The following SLF2 variants were observed in gnomAD, a reference collection of about 807,000 sequenced individuals.
SLF2 encodes the protein SMC5/6 complex localization factor 2, also known as SMC5-SMC6 complex localization factor protein 2.
Under a neutral mutation model 124.3 loss-of-function variants are expected in SLF2, and 68 were observed. That is an observed-to-expected ratio of 0.55 (90% CI 0.45 to 0.67). The LOEUF is 0.67. Ranked by LOEUF, SLF2 falls within the 30% of genes least tolerant of loss-of-function variation. SLF2 has a pLI of 0.00. For missense variants in SLF2, 1,246 were observed against 1,373.7 expected, an observed-to-expected ratio of 0.91 and a Z score of 1.47; for synonymous variants, 480 against 478.8, an observed-to-expected ratio of 1.00 and a Z score of -0.03.
chr10:100,936,022 C>T (rs1376632587), intron 9 of SLF2, among the ~76,000 whole-genome samples: 1 of 151,316 alleles, frequency 6.6e-6, no homozygotes, highest in Non-Finnish European at 1.5e-5. Context: ...CCACACCCAG[C>T]TAATTTTTAA....
At chr10:100,952,011 C>T (rs756984340) in intron 17 of SLF2, among the ~76,000 whole-genome samples, 4 of 151,408 alleles carry the variant, frequency 2.6e-5, no homozygotes, top group African/African-American at 7.3e-5. Flanking sequence ...TGGGAGGGTG[C>T]GGTGGGTGGA....
At position 100,937,445 on chromosome 10, in the gene SLF2, T is replaced by A; in HGVS notation, c.2480T>A (p.Leu827Ter). ...GACTGTATTGTGTCAGTGCAGATTT[T>A]AAGTACATTGATGGAAATAACAATT... Reference protein sequence around the residue: ...HTDCIVSVQILSTLMEITIRN... With the variant: ...HTDCIVSVQI Residue 827 changes from leucine (L) to a stop codon, truncating the protein, a stop_gained, in exon 10 of 20, where the codon TTA (leucine) becomes TAA (stop). Coordinates refer to ENST00000238961, the MANE Select transcript of SLF2 (RefSeq NM_018121.4). LOFTEE classifies it high-confidence loss of function. 6.2e-7 allele frequency: 1 copy of A among 1,608,258 alleles called. No homozygotes were observed. The highest frequency in any genetic ancestry group is 8.5e-7 in the Non-Finnish European group (1 of 1,174,788).
rs1336500656 is a variant in SLF2, at chr10:100,963,227, A to G, written c.*1315A>G. 1 of 152,636 alleles carries G rather than the reference A, an allele frequency of 6.6e-6. No individual in the cohort carries two copies. Among genetic ancestry groups the G allele is most frequent in the African/African-American group, 2.4e-5 (1 of 41,442 alleles). 9.5% of individuals were successfully genotyped at this position (152,636 alleles called of 1,614,324 possible). ...TTTGCGGTTTGAGAGGCAAGAAAAT[A>G]AAATAACTTTCTACCTCTAAATTGA... On this transcript the variant is annotated 3_prime_UTR_variant, in exon 20 of 20. Transcript: ENST00000238961.
chr10:100,932,830 T>C (rs1849771323), intron 9 of SLF2, among the ~76,000 whole-genome samples: 1 of 151,538 alleles, frequency 6.6e-6, no homozygotes, highest in African/African-American at 2.4e-5. Flanking sequence ...AGAGAGAAAG[T>C]TTGCTTTTTT....
intron 4 of SLF2, among the ~76,000 whole-genome samples, chr10:100,920,994 GTTCATCTTGTTAA>G (rs1849515249): frequency 6.6e-6 from 1 of 152,056 alleles, no homozygotes; most frequent in African/African-American, 2.4e-5. Context: ...GATATGTCTT[GTTCATCTTGTTAA>G]TACACTTAAT....
At chr10:100,926,886 G>A (rs1849625780) in intron 6 of SLF2, 1 of 151,482 alleles carries the variant, frequency 6.6e-6, no homozygotes, top group Non-Finnish European at 1.5e-5. Flanking sequence ...CTCTAGCCTG[G>A]GCAACAGAGC....
chr10:100,924,599 C>G lies in SLF2; in HGVS notation c.1598C>G (p.Ser533Cys), dbSNP rs749111082. ...EHKAKTNKAD[S>C]NVSSGKISGG... Reference sequence around the variant, plus strand: ...AAAGCAAAGACTAATAAGGCCGATTCTAATGTATCTTCAGGGAAAATTTCT... The same window carrying G: ...AAAGCAAAGACTAATAAGGCCGATTGTAATGTATCTTCAGGGAAAATTTCT... The change falls in exon 5 of 20, where the codon TCT becomes TGT. Residue 533 changes from serine (S) to cysteine (C), a missense_variant. Coordinates refer to ENST00000238961, the MANE Select transcript of SLF2 (RefSeq NM_018121.4). 7 of 1,613,978 alleles carry G rather than the reference C, an allele frequency of 4.3e-6. No individual in the cohort carries two copies. The highest frequency in any genetic ancestry group is 8.5e-7 in the Non-Finnish European group (1 of 1,180,030).
intron 16 of SLF2, 94 bp from the exon 17 acceptor site, chr10:100,950,575 GTATCCTT>G: frequency 1.0e-6 from 1 of 982,454 alleles, no homozygotes; most frequent in Non-Finnish European, 1.6e-6. Flanking sequence ...TAACTTGACC[GTATCCTT>G]TATCCTTCCT....
intron 11 of SLF2, among the ~76,000 whole-genome samples, chr10:100,941,097 C>A (rs1398103723): frequency 6.6e-6 from 1 of 151,982 alleles, no homozygotes. Flanking sequence ...ACCTTGGCCT[C>A]CCAAAGTGCT....
intron 17 of SLF2, among the ~76,000 whole-genome samples, chr10:100,954,409 A>C (rs1850285906): frequency 1.3e-5 from 2 of 152,250 alleles, no homozygotes; most frequent in Admixed American, 1.3e-4. Context: ...TTCTGCAAGC[A>C]TAGCTATAAG....
chr10:100,933,855 T>A (rs1201935299), intron 9 of SLF2, among the ~76,000 whole-genome samples: 2 of 152,266 alleles, frequency 1.3e-5, no homozygotes, highest in African/African-American at 4.8e-5. Flanking sequence ...ATTTTTCTAT[T>A]TTTAGTAGAG....
chr10:100,928,213 TG>T (rs1849657054), intron 6 of SLF2, among the ~76,000 whole-genome samples: 1 of 152,062 alleles, frequency 6.6e-6, no homozygotes, highest in African/African-American at 2.4e-5. Flanking sequence ...GGAGTGTCCT[TG>T]AACCTAGCCT....
intron 1 of SLF2, chr10:100,913,988 C>A (rs1255268573): frequency 1.5e-6 from 1 of 688,208 alleles, no homozygotes; most frequent in Non-Finnish European, 1.8e-6. Flanking sequence ...CTTATCTTAA[C>A]TCTGAAAGCC....
intron 19 of SLF2, among the ~76,000 whole-genome samples, chr10:100,960,998 CTTTTTTTTTTTT>C (rs59983480): frequency 1.5e-4 from 9 of 61,364 alleles, no homozygotes; most frequent in African/African-American, 3.4e-4. Context: ...TTCTGTACTT[CTTTTTTTTTTTT>C]TTTTTTTTTT....
intron 1 of SLF2, among the ~76,000 whole-genome samples, chr10:100,914,352 T>G (rs983431769): frequency 1.3e-5 from 2 of 152,124 alleles, no homozygotes; most frequent in Non-Finnish European, 2.9e-5. Context: ...AGTGGACATT[T>G]TGTGTGCATA....
intron 16 of SLF2, 71 bp downstream of exon 16, chr10:100,950,278 G>C (rs998114634): frequency 2.1e-6 from 3 of 1,459,468 alleles, no homozygotes; most frequent in Non-Finnish European, 2.7e-6. Context: ...ACCATAGACT[G>C]ATATGTAGGC....
rs975827469 is a variant in SLF2 at position 100,962,931 on chromosome 10, G to C, written c.*1019G>C. ...AGCTGCTGTAAATTCTTAAACACTG[G>C]AGAGCCATCCTTTGGTTTAAATGGT... On this transcript the variant is annotated 3_prime_UTR_variant, in exon 20 of 20. Coordinates refer to ENST00000238961, the MANE Select transcript of SLF2 (RefSeq NM_018121.4). The C allele has an allele frequency of 6.6e-6, 1 of 152,442 alleles. No individual in the cohort carries two copies. Among genetic ancestry groups the C allele is most frequent in the African/African-American group, 2.4e-5 (1 of 41,368 alleles). 9.4% of individuals were successfully genotyped at this position (152,442 alleles called of 1,614,324 possible). A position where few individuals can be genotyped will look rare whatever the true frequency, so the allele number is the denominator to read the frequency against.
chr10:100,940,921 G>A (rs140779159), intron 11 of SLF2, among the ~76,000 whole-genome samples: 6 of 150,242 alleles, frequency 4.0e-5, no homozygotes, highest in Admixed American at 6.7e-5. Context: ...CTGCAGCCTC[G>A]AACTCCTGAG....
At chr10:100,918,156 ACTT>A (rs1849456877) in intron 3 of SLF2, among the ~76,000 whole-genome samples, 1 of 152,212 alleles carries the variant, frequency 6.6e-6, no homozygotes, top group Admixed American at 6.5e-5. Context: ...TTGAAAACTG[ACTT>A]CATTTTTATG....
Sources: allele counts gnomAD v4.1 joint callset (sites outside exome capture counted in the v4.1 genomes callset), GRCh38; gene constraint gnomAD v4.1.1; transcripts MANE v1.5; gene names NCBI Gene and HGNC (gene_info 2026-07-23, HGNC 2026-07-21).